Variants in KLHL4 observed in about 807,000 individuals in gnomAD.
KLHL4 encodes kelch like family member 4, also known as kelch-like protein 4.
In KLHL4, 17 loss-of-function variants were observed where a neutral mutation model predicts 45.8. That is an observed-to-expected ratio of 0.37 (90% CI 0.25 to 0.56). The LOEUF (loss-of-function observed/expected upper bound fraction) is 0.56. KLHL4 is among the 20% of genes least tolerant of loss of function. The probability of loss-of-function intolerance (pLI) is 0.79; values close to 1 mark genes in which losing one functional copy is unlikely to be tolerated. For synonymous variants in KLHL4, 224 were observed against 189.9 expected, an observed-to-expected ratio of 1.18 and a Z score of -1.47; for missense variants, 544 against 544.9, an observed-to-expected ratio of 1.00 and a Z score of 0.02.
chrX:87,534,546 TAG>T, intron 1 of KLHL4, among the ~76,000 whole-genome samples: 1 of 111,199 alleles, frequency 9.0e-6, no homozygotes, highest in South Asian at 3.8e-4. Context: ...TTAAAAACAA[TAG>T]AGTCAACAGC....
At position 87,666,567 on chromosome X, in the gene KLHL4, A is replaced by G; in HGVS notation, c.*33A>G. The G allele has an allele frequency of 8.7e-7, 1 of 1,151,229 alleles. No individual in the cohort carries two copies. The highest frequency in any genetic ancestry group is 1.2e-6 in the Non-Finnish European group (1 of 864,269). 94.9% of individuals were successfully genotyped at this position (1,151,229 alleles called of 1,213,427 possible). On this transcript the variant is annotated 3_prime_UTR_variant, in exon 11 of 11. Transcript: ENST00000373119. ...TATCTTTATCAAATGGAATGAAACT[A>G]GATAATTTCAAGAAACTGAGTAGGA...
intron 1 of KLHL4, among the ~76,000 whole-genome samples, chrX:87,566,661 CATAAGTCA>C (rs1932218158): frequency 1.8e-5 from 2 of 111,498 alleles, no homozygotes; most frequent in Non-Finnish European, 3.8e-5. Flanking sequence ...GTTGAAAAAT[CATAAGTCA>C]AACTCTTTTA....
intron 1 of KLHL4, among the ~76,000 whole-genome samples, chrX:87,537,502 A>G (rs1931457878): frequency 9.0e-6 from 1 of 110,836 alleles, no homozygotes; most frequent in Admixed American, 9.8e-5. Flanking sequence ...ATATAAATAT[A>G]TATATAGATA....
Position 87,666,640 on chromosome X carries a change from G to C in KLHL4, c.*106G>C. On this transcript the variant is annotated 3_prime_UTR_variant, in exon 11 of 11. Transcript: ENST00000373119. ...TTCTTTTTCCTGCAATTAATAATCA[G>C]ACTGGAAAATTGTTGTATCATTTTA... The C allele has an allele frequency of 1.0e-6, 1 of 1,004,708 alleles. No individual in the cohort carries two copies. 82.8% of individuals were successfully genotyped at this position (1,004,708 alleles called of 1,213,427 possible).
At chrX:87,560,425 A>G (rs1192201304) in intron 1 of KLHL4, among the ~76,000 whole-genome samples, 3 of 111,731 alleles carry the variant, frequency 2.7e-5, no homozygotes. Context: ...AATTTTTCAT[A>G]TGTTGTCAGT....
At chrX:87,606,974 A>T (rs1050679486) in intron 1 of KLHL4, among the ~76,000 whole-genome samples, 2 of 112,093 alleles carry the variant, frequency 1.8e-5, no homozygotes, top group Non-Finnish European at 3.8e-5. Flanking sequence ...CTTAGTTGGC[A>T]AATAATGACA....
rs773764614 is a variant in KLHL4, at chrX:87,579,263, A to G, written c.423-34614A>G. Reference sequence around the variant, plus strand: ...CTCTTCTAATTAGAAATCTATACACAGCAGTACAGAGAAAACATACGCATA... The same window carrying G: ...CTCTTCTAATTAGAAATCTATACACGGCAGTACAGAGAAAACATACGCATA... On this transcript the variant is annotated intron_variant, in intron 1 of 10. Transcript: ENST00000373119. Among the ~76,000 whole-genome samples the G allele has an allele frequency of 3.9e-3, 432 of 111,654 alleles. 1 individual carries two copies. Among genetic ancestry groups the G allele is most frequent in the African/African-American group, 0.013 (407 of 30,790 alleles).
intron 3 of KLHL4, among the ~76,000 whole-genome samples, chrX:87,615,838 T>G (rs1361849496): frequency 9.0e-6 from 1 of 111,112 alleles, no homozygotes; most frequent in Admixed American, 9.6e-5. Flanking sequence ...TGGGAATGAA[T>G]GTTAATAGGT....
intron 1 of KLHL4, among the ~76,000 whole-genome samples, chrX:87,606,622 C>T (rs1264999873): frequency 9.1e-6 from 1 of 110,074 alleles, no homozygotes; most frequent in African/African-American, 3.3e-5. Context: ...GGATAAATTC[C>T]TAGACACATG....
chrX:87,600,348 G>A (rs925166974), intron 1 of KLHL4, among the ~76,000 whole-genome samples: 10 of 110,883 alleles, frequency 9.0e-5, no homozygotes, highest in African/African-American at 3.3e-4. Context: ...GCCGGGCGTG[G>A]TGGCGGGCAC....
intron 6 of KLHL4, 83 bp from the exon 7 acceptor site, chrX:87,632,127 G>T (rs1923115652): frequency 1.1e-5 from 6 of 552,179 alleles, no homozygotes; most frequent in Non-Finnish European, 1.8e-5. Flanking sequence ...GTAAGTTATG[G>T]GTACATAATT....
At chrX:87,661,929 A>G (rs1206428423) in intron 9 of KLHL4, among the ~76,000 whole-genome samples, 3 of 111,672 alleles carry the variant, frequency 2.7e-5, no homozygotes, top group Non-Finnish European at 5.6e-5. Context: ...CGTCATGTGT[A>G]AAGTGGGAAT....
Position 87,668,767 on chromosome X carries a change from A to C in KLHL4, c.*2233A>C, listed in dbSNP as rs1011703405. On this transcript the variant is annotated 3_prime_UTR_variant, in exon 11 of 11. Coordinates refer to ENST00000373119, the MANE Select transcript of KLHL4 (RefSeq NM_019117.5). ...GTATGTCCCCTGGTCATGTGATGCT[A>C]TGTGTTACCTTGGGACTTACCTGAC... The C allele has an allele frequency of 1.4e-5, 2 of 146,120 alleles. No homozygotes were observed. The highest frequency in any genetic ancestry group is 2.4e-5 in the Non-Finnish European group (2 of 85,051). The allele number at this position is 146,120 out of a possible 1,213,427, so 12.0% of individuals were successfully genotyped here.
intron 1 of KLHL4, among the ~76,000 whole-genome samples, chrX:87,572,721 T>C (rs1932357480): frequency 9.1e-6 from 1 of 109,669 alleles, no homozygotes. Context: ...ATTTTGATAT[T>C]GTCTTATGCT....
intron 1 of KLHL4, among the ~76,000 whole-genome samples, chrX:87,589,069 T>C (rs1332044912): frequency 2.7e-5 from 3 of 111,942 alleles, no homozygotes; most frequent in Non-Finnish European, 5.6e-5. Context: ...CTCAACATCA[T>C]TGATCATCAG....
intron 1 of KLHL4, among the ~76,000 whole-genome samples, chrX:87,532,908 C>G (rs1266248024): frequency 9.1e-6 from 1 of 110,150 alleles, no homozygotes. Context: ...TGAACAGACA[C>G]TTCTCAAAAG....
At chrX:87,604,630 G>A (rs1922132852) in intron 1 of KLHL4, among the ~76,000 whole-genome samples, 1 of 110,554 alleles carries the variant, frequency 9.0e-6, no homozygotes, top group Admixed American at 9.6e-5. Flanking sequence ...TTGGTTTATG[G>A]TGAGTTGTTT....
chrX:87,635,962 T>A (rs1602456252), intron 9 of KLHL4, among the ~76,000 whole-genome samples, 187 bp downstream of exon 9: 1 of 111,816 alleles, frequency 8.9e-6, no homozygotes, highest in East Asian at 2.8e-4. Flanking sequence ...AAGACTCTAG[T>A]CCCCTCCTGT....
intron 1 of KLHL4, among the ~76,000 whole-genome samples, chrX:87,541,544 C>G (rs890021906): frequency 9.5e-6 from 1 of 105,535 alleles, no homozygotes; most frequent in African/African-American, 3.5e-5. Flanking sequence ...TTCTCTCTGT[C>G]TCTCCTGCCA....
Sources: allele counts gnomAD v4.1 joint callset (sites outside exome capture counted in the v4.1 genomes callset), GRCh38; gene constraint gnomAD v4.1.1; transcripts MANE v1.5; gene names NCBI Gene and HGNC (gene_info 2026-07-23, HGNC 2026-07-21).